The following CLIP1 variants were observed in gnomAD, a reference collection of about 807,000 sequenced individuals.
The protein encoded by CLIP1 is CAP-Gly domain-containing linker protein 1.
A neutral mutation model predicts 161.6 loss-of-function variants in CLIP1; 66 were observed. That is an observed-to-expected ratio of 0.41 (90% CI 0.33 to 0.50). CLIP1 has a LOEUF of 0.50. Ranked by LOEUF, CLIP1 falls within the 20% of genes least tolerant of loss-of-function variation. The pLI is 0.27. For synonymous variants in CLIP1, 598 were observed against 626.2 expected, an observed-to-expected ratio of 0.96 and a Z score of 0.67; for missense variants, 1,376 against 1,702.0, an observed-to-expected ratio of 0.81 and a Z score of 3.37.
chr12:122,274,541 GTTT>G (rs140034285), intron 24 of CLIP1: 3 of 144,812 alleles, frequency 2.1e-5, no homozygotes, highest in South Asian at 2.1e-4. Context: ...GTTTTGTTTT[GTTT>G]TTTTTTTTTT....
intron 7 of CLIP1, among the ~76,000 whole-genome samples, chr12:122,353,270 T>C (rs974856680): frequency 6.6e-6 from 1 of 152,084 alleles, no homozygotes; most frequent in African/African-American, 2.4e-5. Flanking sequence ...TGAGCCCAGG[T>C]AGTCAAGGCT....
intron 11 of CLIP1, among the ~76,000 whole-genome samples, chr12:122,337,733 T>C (rs1952298873): frequency 6.6e-6 from 1 of 152,082 alleles, no homozygotes; most frequent in South Asian, 2.1e-4. Context: ...TTAAAAACCT[T>C]GGCTGGTCAC....
intron 1 of CLIP1, among the ~76,000 whole-genome samples, chr12:122,410,032 G>A (rs1460956662): frequency 6.6e-6 from 1 of 150,978 alleles, no homozygotes. Flanking sequence ...CACCATGCCT[G>A]GCTAATTTTT....
At chr12:122,351,612 G>A (rs1011242444) in intron 8 of CLIP1, among the ~76,000 whole-genome samples, 1 of 152,204 alleles carries the variant, frequency 6.6e-6, no homozygotes, top group Non-Finnish European at 1.5e-5. Flanking sequence ...TAAGCATGGT[G>A]TGGGCAGCCA....
intron 17 of CLIP1, among the ~76,000 whole-genome samples, chr12:122,320,383 G>C (rs1485997532): frequency 6.6e-6 from 1 of 152,112 alleles, no homozygotes; most frequent in Non-Finnish European, 1.5e-5. Flanking sequence ...CGGGAGGATT[G>C]CTTGAGCCCA....
In CLIP1 at chr12:122,279,608, T is replaced by G. The variant is rs1955564943; in HGVS notation, c.3648-463A>C. 2 of 152,254 alleles carry G rather than the reference T, an allele frequency of 1.3e-5. No individual in the cohort carries two copies. Among genetic ancestry groups the G allele is most frequent in the Admixed American group, 1.3e-4 (2 of 15,282 alleles). The allele number at this position is 152,254 out of a possible 1,614,324, so 9.4% of individuals were successfully genotyped here. On this transcript the variant is annotated intron_variant, in intron 21 of 25. Transcript: ENST00000620786. This position sits in a 1 kb window ranked among gnomAD's most constrained non-coding sequence, Gnocchi z 4.5. ...AGCAGCTTTATGCTGGAAATATCAATTGGTTCTCACTAATTTCAGTAACTT... is the reference window on the plus strand; with the variant it reads ...AGCAGCTTTATGCTGGAAATATCAAGTGGTTCTCACTAATTTCAGTAACTT...
intron 10 of CLIP1, among the ~76,000 whole-genome samples, chr12:122,346,992 A>C (rs1424421057): frequency 6.6e-6 from 1 of 152,230 alleles, no homozygotes. Context: ...AATAACAAAA[A>C]ATTATTTAGA....
intron 1 of CLIP1, among the ~76,000 whole-genome samples, chr12:122,402,029 A>G (rs1034117120): frequency 2.0e-5 from 3 of 152,048 alleles, no homozygotes; most frequent in African/African-American, 7.2e-5. Flanking sequence ...CTCAAATTAG[A>G]TAATTACATT....
intron 20 of CLIP1, among the ~76,000 whole-genome samples, chr12:122,295,339 C>T (rs1457199127): frequency 1.3e-5 from 2 of 152,154 alleles, no homozygotes; most frequent in South Asian, 2.1e-4. Context: ...CACTGCACTC[C>T]AGCCTGGGGA....
At chr12:122,389,758 C>CAAAAAAAAAAAAAAAAAAAA (rs57168188) in intron 1 of CLIP1, among the ~76,000 whole-genome samples, 2 of 69,316 alleles carry the variant, frequency 2.9e-5, no homozygotes, top group Non-Finnish European at 5.2e-5. Context: ...GATCCTGTCT[C>CAAAAAAAAAAAAAAAAAAAA]AAAAAAAAAA....
At chr12:122,289,805 GT>G (rs11286847) in intron 20 of CLIP1, among the ~76,000 whole-genome samples, 50,268 of 136,618 alleles carry the variant, frequency 0.37, 9,383 homozygotes, top group East Asian at 0.63. Flanking sequence ...CACTGTTAAT[GT>G]TTTTTTTTTT....
chr12:122,308,768 C>A (rs780373117), intron 20 of CLIP1, among the ~76,000 whole-genome samples: 3 of 152,202 alleles, frequency 2.0e-5, no homozygotes, highest in Non-Finnish European at 2.9e-5. Flanking sequence ...TCATCATCAT[C>A]TTGGAGTCTG....
At chr12:122,356,686 G>C (rs573765318) in intron 5 of CLIP1, among the ~76,000 whole-genome samples, 2 of 152,012 alleles carry the variant, frequency 1.3e-5, no homozygotes, top group Admixed American at 6.5e-5. Flanking sequence ...CTCTGATGCC[G>C]AGCCGAAGCT....
intron 20 of CLIP1, among the ~76,000 whole-genome samples, chr12:122,294,081 C>T (rs1337386183): frequency 6.6e-6 from 1 of 151,870 alleles, no homozygotes; most frequent in Non-Finnish European, 1.5e-5. Flanking sequence ...GTAATCCCAG[C>T]ACTTTGGGAG....
intron 5 of CLIP1, among the ~76,000 whole-genome samples, chr12:122,358,604 G>A (rs955656588): frequency 2.6e-5 from 4 of 152,088 alleles, no homozygotes; most frequent in Admixed American, 2.6e-4. Context: ...GACTTCAGTT[G>A]AGCCTCAGTT....
intron 1 of CLIP1, among the ~76,000 whole-genome samples, chr12:122,417,125 C>A (rs1418614600): frequency 6.6e-6 from 1 of 151,716 alleles, no homozygotes; most frequent in Non-Finnish European, 1.5e-5. Context: ...GGTGAAACCC[C>A]GTCTCTACTA....
rs1482037920 is a variant in CLIP1 at position 122,279,919 on chromosome 12, G to C, written c.3648-774C>G. On this transcript the variant is annotated intron_variant, in intron 21 of 25. Transcript: ENST00000620786. This position sits in a 1 kb window ranked among gnomAD's most constrained non-coding sequence, Gnocchi z 4.5. The stretch of plus-strand genomic sequence containing the variant: ...GACTCAGCACTTGGTTATCAGCAGA[G>C]GGCGGGGATGAGGCCTTTAATGAGA... 6.6e-6 allele frequency: 1 copy of C among 152,248 alleles called. No individual in the cohort carries two copies. Among genetic ancestry groups the C allele is most frequent in the Non-Finnish European group, 1.5e-5 (1 of 68,086 alleles). 9.4% of individuals were successfully genotyped at this position (152,248 alleles called of 1,614,324 possible).
intron 1 of CLIP1, among the ~76,000 whole-genome samples, chr12:122,387,577 TATATATATATA>T (rs1955366455): frequency 2.4e-4 from 1 of 4,196 alleles, no homozygotes; most frequent in African/African-American, 4.4e-4. Context: ...TATATATATA[TATATATATATA>T]TATTTTTTTT....
rs1954786595 is a variant in CLIP1, at chr12:122,377,297, C to T, written c.657+92G>A. ...TGCTGGGATTATAGGTGTGAGCCAC[C>T]GCGCCCAGCCCTGATGTGTGTGTAT... is the stretch of plus-strand genomic sequence containing the variant. On this transcript the variant is annotated intron_variant, in intron 3 of 25. Coordinates refer to ENST00000620786, the MANE Select transcript of CLIP1 (RefSeq NM_001247997.2). 8.3e-6 allele frequency: 10 copies of T among 1,208,514 alleles called. No individual in the cohort carries two copies. In the South Asian group the frequency reaches 8.6e-5, roughly 10 times the overall value. 74.9% of individuals were successfully genotyped at this position (1,208,514 alleles called of 1,614,324 possible).
Sources: gnomAD v4.1 joint callset for allele counts (sites outside exome capture counted in the v4.1 genomes callset) on GRCh38, gnomAD v4.1.1 for gene constraint, Gnocchi (gnomAD v3.1) non-coding constraint, MANE v1.5 for transcripts, NCBI Gene and HGNC (gene_info 2026-07-23, HGNC 2026-07-21) for gene names.